FGF13: variants seen among roughly 807,000 people sequenced by gnomAD.
The protein encoded by FGF13 is fibroblast growth factor 13.
A neutral mutation model predicts 19.5 loss-of-function variants in FGF13; 2 were observed. That is an observed-to-expected ratio of 0.10 (90% CI 0.04 to 0.32). The LOEUF is 0.32. Among genes scored for constraint, FGF13 ranks in the 10% least tolerant of loss-of-function variants. The pLI, the probability that FGF13 is intolerant of heterozygous loss-of-function variation, is 1.00. For synonymous variants in FGF13, 72 were observed against 76.9 expected, an observed-to-expected ratio of 0.94 and a Z score of 0.33; for missense variants, 113 against 192.7, an observed-to-expected ratio of 0.59 and a Z score of 2.45.
chrX:138,645,480 G>A (rs2124117204), intron 3 of FGF13, among the ~76,000 whole-genome samples: 1 of 111,911 alleles, frequency 8.9e-6, no homozygotes, highest in Admixed American at 9.5e-5. Flanking sequence ...CTGACTGTAG[G>A]CAATTCGTGT....
rs1024481149 is a variant in FGF13 at position 138,623,167 on chromosome X, G to C, written c.*9683C>G. The C allele has an allele frequency of 9.0e-6, 1 of 110,872 alleles. No individual in the cohort carries two copies. Among genetic ancestry groups the C allele is most frequent in the Non-Finnish European group, 1.9e-5 (1 of 52,956 alleles). The allele number at this position is 110,872 out of a possible 1,213,427, so 9.1% of individuals were successfully genotyped here. ...ATTGGTGAAATCCCACTTGATTATG[G>C]TGAATGATCCTTTAAATGTGATGTT... On this transcript the variant is annotated 3_prime_UTR_variant, in exon 5 of 5. Coordinates refer to ENST00000315930, the MANE Select transcript of FGF13 (RefSeq NM_004114.5).
At chrX:138,702,399 T>C (rs17510116) in intron 3 of FGF13, among the ~76,000 whole-genome samples, 1,759 of 111,494 alleles carry the variant, frequency 0.016, 23 homozygotes, top group Admixed American at 0.054. Flanking sequence ...TACATTCATC[T>C]GAGAAAAAGT....
At chrX:139,016,887 G>T (rs2092155528) in intron 1 of FGF13, among the ~76,000 whole-genome samples, 1 of 111,125 alleles carries the variant, frequency 9.0e-6, no homozygotes, top group African/African-American at 3.3e-5. Flanking sequence ...AAGAAAGATG[G>T]AAATGCACTG....
At position 138,957,524 on chromosome X, in the gene FGF13, C is replaced by T. The variant is rs775535358; in HGVS notation, c.-112-92874G>A. Reference sequence around the variant, plus strand: ...ATGCAGGCTCTTTTTTGGTTCCATACGAACTTTAGTTTTTTCCAATTCTGT... The same window carrying T: ...ATGCAGGCTCTTTTTTGGTTCCATATGAACTTTAGTTTTTTCCAATTCTGT... On this transcript the variant is annotated intron_variant, in intron 1 of 2. Transcript: ENST00000421460. Among the ~76,000 whole-genome samples, 12 of 111,163 alleles carry T rather than the reference C, an allele frequency of 1.1e-4. No homozygotes were observed. In the South Asian group the frequency reaches 1.5e-3, roughly 14 times the overall value.
chrX:139,131,755 AG>A lies in FGF13; in HGVS notation c.-113+71660del, dbSNP rs772559052. On this transcript the variant is annotated intron_variant, in intron 1 of 2. Transcript: ENST00000421460. ...CTGTCTCAAAAAATAAAAATAAAAA[AG>A]ATCAACGTTGCTCTAGAAGTCTGAA... is the stretch of plus-strand genomic sequence containing the variant. Among the ~76,000 whole-genome samples, 73 of 111,565 alleles carry A rather than the reference AG, an allele frequency of 6.5e-4. 1 individual carries two copies. The highest frequency in any genetic ancestry group is 2.8e-4 in the East Asian group (1 of 3,539).
At chrX:138,931,801 TAAG>T (rs1298589010) in intron 1 of FGF13, among the ~76,000 whole-genome samples, 1 of 112,266 alleles carries the variant, frequency 8.9e-6, no homozygotes, top group Non-Finnish European at 1.9e-5. Context: ...ATGTGTCTAC[TAAG>T]AAGAGTGTAA....
At chrX:138,973,489 C>T (rs2091927710) in intron 1 of FGF13, among the ~76,000 whole-genome samples, 1 of 112,116 alleles carries the variant, frequency 8.9e-6, no homozygotes, top group Non-Finnish European at 1.9e-5. Context: ...ATAGAATGTT[C>T]TGTAAATGTC....
intron 1 of FGF13, among the ~76,000 whole-genome samples, chrX:139,031,397 T>A (rs1443038617): frequency 9.0e-6 from 1 of 110,855 alleles, no homozygotes; most frequent in South Asian, 3.8e-4. Context: ...CAAGGCAGAT[T>A]GTATTTTCTG....
chrX:138,659,248 T>C (rs2089466194), intron 3 of FGF13, among the ~76,000 whole-genome samples: 1 of 112,127 alleles, frequency 8.9e-6, no homozygotes, highest in Non-Finnish European at 1.9e-5. Flanking sequence ...AGCAGGGCGA[T>C]CAGTTGAGCC....
At chrX:138,813,634 T>C (rs925370074) in intron 3 of FGF13, among the ~76,000 whole-genome samples, 5 of 112,292 alleles carry the variant, frequency 4.5e-5, no homozygotes, top group African/African-American at 1.6e-4. Flanking sequence ...GCAGTCAATC[T>C]AGATACCTCC....
chrX:138,952,210 G>A (rs137856018), intron 1 of FGF13, among the ~76,000 whole-genome samples: 1 of 111,273 alleles, frequency 9.0e-6, no homozygotes, highest in African/African-American at 3.3e-5. Flanking sequence ...AAACAGCATG[G>A]TACTGGTACC....
intron 1 of FGF13, among the ~76,000 whole-genome samples, chrX:139,082,396 C>T (rs189398617): frequency 6.9e-4 from 77 of 111,765 alleles, no homozygotes; most frequent in Admixed American, 5.7e-3. Flanking sequence ...TTCATGTCCA[C>T]GTAGAACATC....
At chrX:138,953,962 G>A (rs1056873181) in intron 1 of FGF13, among the ~76,000 whole-genome samples, 1 of 111,355 alleles carries the variant, frequency 9.0e-6, no homozygotes, top group Non-Finnish European at 1.9e-5. Flanking sequence ...GAAACAAAGA[G>A]AAACTTTCTA....
rs765745362 is a variant in FGF13, at chrX:138,778,475, G to A, written c.218-69547C>T. On this transcript the variant is annotated intron_variant, in intron 3 of 6. Transcript: ENST00000436198. ...GGGTGCAGCACACCGTGCGCGAGCCGAAGCAGGGCGAGGTATTGCCTCCCT... is the reference window on the plus strand; with the variant it reads ...GGGTGCAGCACACCGTGCGCGAGCCAAAGCAGGGCGAGGTATTGCCTCCCT... Among the ~76,000 whole-genome samples, 44 of 112,266 alleles carry A rather than the reference G, an allele frequency of 3.9e-4. No individual in the cohort carries two copies. In the East Asian group the frequency reaches 0.01, roughly 27 times the overall value.
intron 3 of FGF13, among the ~76,000 whole-genome samples, chrX:138,677,296 G>GC (rs2089679329): frequency 9.1e-6 from 1 of 110,242 alleles, no homozygotes; most frequent in African/African-American, 3.3e-5. Context: ...AACACCAAAA[G>GC]CAATGGCAAC....
intron 1 of FGF13, among the ~76,000 whole-genome samples, chrX:139,013,946 G>A (rs1249982699): frequency 1.8e-5 from 2 of 110,895 alleles, no homozygotes; most frequent in East Asian, 2.9e-4. Flanking sequence ...GAAATCAATA[G>A]CACAAGGAAC....
intron 1 of FGF13, among the ~76,000 whole-genome samples, chrX:139,018,413 C>T (rs1481993545): frequency 9.0e-6 from 1 of 111,164 alleles, no homozygotes; most frequent in African/African-American, 3.3e-5. Flanking sequence ...AATTGAGGCC[C>T]GAGGTATGTC....
chrX:139,142,536 G>A (rs918409542), intron 1 of FGF13, among the ~76,000 whole-genome samples: 3 of 111,424 alleles, frequency 2.7e-5, no homozygotes, highest in African/African-American at 9.8e-5. Flanking sequence ...GGGGGAAAAA[G>A]TGGTTTTCAA....
intron 1 of FGF13, among the ~76,000 whole-genome samples, chrX:138,865,345 G>C (rs933965358): frequency 9.0e-6 from 1 of 111,340 alleles, no homozygotes; most frequent in African/African-American, 3.3e-5. Context: ...ATGCTCCTCA[G>C]ATGATTTGAC....
Sources: allele counts gnomAD v4.1 joint callset (sites outside exome capture counted in the v4.1 genomes callset), GRCh38; gene constraint gnomAD v4.1.1; transcripts MANE v1.5; gene names NCBI Gene and HGNC (gene_info 2026-07-23, HGNC 2026-07-21).